ABCG2: variants seen among roughly 807,000 people sequenced by gnomAD.
ABCG2 encodes the protein broad substrate specificity ATP-binding cassette transporter ABCG2.
ABCG2 carries 80 observed loss-of-function variants against 73.5 expected under a neutral mutation model. The observed-to-expected ratio is 1.09, with a 90% CI of 0.91 to 1.31. The LOEUF is 1.31. Among genes scored for constraint, ABCG2 ranks in the 50% most tolerant of loss-of-function variants. ABCG2 has a pLI of 0.00. For missense variants in ABCG2, 796 were observed against 786.2 expected, an observed-to-expected ratio of 1.01 and a Z score of -0.15; for synonymous variants, 269 against 282.4, an observed-to-expected ratio of 0.95 and a Z score of 0.48.
chr4:88,162,387 A>G (rs907316679), upstream of ABCG2, among the ~76,000 whole-genome samples: 1 of 152,156 alleles, frequency 6.6e-6, no homozygotes, highest in Non-Finnish European at 1.5e-5. Context: ...ACATGACAAT[A>G]GAGTCCTCAC....
chr4:88,197,176 A>G, intron 1 of ABCG2, among the ~76,000 whole-genome samples: 1 of 142,406 alleles, frequency 7.0e-6, no homozygotes, highest in Non-Finnish European at 1.5e-5. Flanking sequence ...TACCCAGTAC[A>G]TCATGTCTGG....
At chr4:88,104,428 C>T (rs1398798652) in intron 10 of ABCG2, among the ~76,000 whole-genome samples, 2 of 151,952 alleles carry the variant, frequency 1.3e-5, no homozygotes, top group African/African-American at 4.8e-5. Flanking sequence ...ACTAATCATC[C>T]CAGGAGGGAT....
At chr4:88,114,920 T>C (rs945145482) in intron 8 of ABCG2, 37 bp downstream of exon 8, 1 of 1,471,062 alleles carries the variant, frequency 6.8e-7, no homozygotes, top group Non-Finnish European at 9.4e-7. Context: ...GCCAATTCAA[T>C]TAGGCAAAAA....
intron 1 of ABCG2, among the ~76,000 whole-genome samples, chr4:88,144,542 G>A (rs910247861): frequency 3.1e-5 from 4 of 129,324 alleles, no homozygotes; most frequent in Non-Finnish European, 4.7e-5. Context: ...TGCAACCTCC[G>A]CCTCCCGGGT....
chr4:88,126,898 T>C (rs977268948), intron 5 of ABCG2, among the ~76,000 whole-genome samples: 4 of 152,134 alleles, frequency 2.6e-5, no homozygotes, highest in African/African-American at 7.2e-5. Context: ...ACCACTCCTA[T>C]TCAACATAAT....
intron 1 of ABCG2, among the ~76,000 whole-genome samples, chr4:88,210,220 C>CACACAT (rs1339415862): frequency 7.6e-6 from 1 of 130,928 alleles, no homozygotes; most frequent in African/African-American, 2.9e-5. Flanking sequence ...CACACACACA[C>CACACAT]ATATACATAT....
At chr4:88,109,141 T>C (rs552659285) in intron 9 of ABCG2, among the ~76,000 whole-genome samples, 1 of 151,654 alleles carries the variant, frequency 6.6e-6, no homozygotes, top group Non-Finnish European at 1.5e-5. Flanking sequence ...TGGGATTACA[T>C]GCGCCCACCA....
intron 1 of ABCG2, among the ~76,000 whole-genome samples, chr4:88,222,916 C>A (rs189874143): frequency 2.0e-5 from 3 of 152,334 alleles, no homozygotes; most frequent in African/African-American, 7.2e-5. Context: ...GCCATGGGAA[C>A]CTACCTCTTC....
chr4:88,214,141 C>T (rs992135946), intron 1 of ABCG2, among the ~76,000 whole-genome samples: 2 of 151,752 alleles, frequency 1.3e-5, no homozygotes, highest in African/African-American at 2.4e-5. Flanking sequence ...GCGCATACAA[C>T]CATGCCTGGC....
At chr4:88,130,106 A>G (rs1221701348) in intron 5 of ABCG2, among the ~76,000 whole-genome samples, 1 of 152,210 alleles carries the variant, frequency 6.6e-6, no homozygotes, top group Non-Finnish European at 1.5e-5. Flanking sequence ...TAATTTTGGA[A>G]GCCAAATTAT....
chr4:88,102,196 C>T (rs1722470035), intron 10 of ABCG2, among the ~76,000 whole-genome samples: 1 of 152,140 alleles, frequency 6.6e-6, no homozygotes, highest in Non-Finnish European at 1.5e-5. Flanking sequence ...CCAGAGTGCT[C>T]AGAGGAAACC....
chr4:88,155,656 G>A (rs1726885298), intron 1 of ABCG2, among the ~76,000 whole-genome samples: 2 of 152,246 alleles, frequency 1.3e-5, no homozygotes, highest in African/African-American at 4.8e-5. Context: ...TGTATTCCCA[G>A]CACTTGGGGA....
chr4:88,129,941 T>C (rs896622560), intron 5 of ABCG2, among the ~76,000 whole-genome samples: 1 of 151,862 alleles, frequency 6.6e-6, no homozygotes, highest in Non-Finnish European at 1.5e-5. Flanking sequence ...CTCTAGAACC[T>C]AAAAGACAGC....
rs139903768 is a variant in ABCG2 at position 88,139,931 on chromosome 4, G to A, written c.65C>T (p.Ala22Val). Residue 22 changes from alanine to valine, a missense_variant, in exon 2 of 16, where the codon GCG (alanine) becomes GTG (valine). Ala to Val is a moderately conservative substitution (Grantham distance 64). Transcript: ENST00000237612. ...VSQGNTNGFP[A>V]TASNDLKAFT... ...TGCCTTCAGGTCATTGGAAGCTGTC[G>A]CGGGGAAGCCATTGGTGTTTCCTTG... The A allele has an allele frequency of 3.7e-5, 60 of 1,614,096 alleles. No individual in the cohort carries two copies. Among genetic ancestry groups the A allele is most frequent in the African/African-American group, 2.0e-4 (15 of 75,050 alleles).
At chr4:88,128,164 T>C (rs926255978) in intron 5 of ABCG2, among the ~76,000 whole-genome samples, 18 of 152,064 alleles carry the variant, frequency 1.2e-4, no homozygotes, top group Non-Finnish European at 2.4e-4. Flanking sequence ...AGCAAACATA[T>C]GAAAAAAACT....
In ABCG2 at chr4:88,115,349, T is replaced by A. The variant is rs374649652; in HGVS notation, c.842-291A>T. Among the ~76,000 whole-genome samples the A allele has an allele frequency of 3.7e-4, 54 of 147,176 alleles. 2 individuals carry two copies. The South Asian group carries it at 0.011, about 29-fold the overall frequency. ...CCCAGGCTGGAATGTGGTGGGGCAA[T>A]CTTGGTTCACTGAAACCTCTGCCTC... On this transcript the variant is annotated intron_variant, in intron 7 of 15. Coordinates refer to ENST00000237612, the MANE Select transcript of ABCG2 (RefSeq NM_004827.3).
upstream of ABCG2, among the ~76,000 whole-genome samples, chr4:88,231,574 A>C (rs571085989): frequency 1.4e-4 from 21 of 152,304 alleles, no homozygotes; most frequent in South Asian, 4.1e-3. Context: ...CAATTCTAGC[A>C]AATGGCTTTG....
chr4:88,121,571 A>C (rs1238172638), intron 6 of ABCG2, 64 bp downstream of exon 6: 27 of 1,464,796 alleles, frequency 1.8e-5, no homozygotes, highest in Non-Finnish European at 2.4e-5. Context: ...CCCTGCCCCA[A>C]GAATATCTGG....
At chr4:88,217,580 T>C (rs980297704) in intron 1 of ABCG2, among the ~76,000 whole-genome samples, 3 of 151,800 alleles carry the variant, frequency 2.0e-5, no homozygotes, top group African/African-American at 7.3e-5. Context: ...GAGAATTGCT[T>C]GAACCCAGTA....
Sources: allele counts gnomAD v4.1 joint callset (sites outside exome capture counted in the v4.1 genomes callset), GRCh38; gene constraint gnomAD v4.1.1; transcripts MANE v1.5; gene names NCBI Gene and HGNC (gene_info 2026-07-23, HGNC 2026-07-21).